Variants in MINDY3 observed in about 807,000 individuals in gnomAD.
MINDY3 encodes ubiquitin carboxyl-terminal hydrolase MINDY-3.
A neutral mutation model predicts 69.2 loss-of-function variants in MINDY3; 38 were observed. The ratio of observed to expected loss-of-function variants is 0.55; its 90% CI spans 0.42 to 0.72. MINDY3 has a LOEUF of 0.72. MINDY3 is among the 30% of genes least tolerant of loss of function. The probability of loss-of-function intolerance (pLI) is 0.00; values close to 1 mark genes in which losing one functional copy is unlikely to be tolerated. For missense variants in MINDY3, 522 were observed against 519.0 expected, an observed-to-expected ratio of 1.01 and a Z score of -0.06; for synonymous variants, 192 against 180.1, an observed-to-expected ratio of 1.07 and a Z score of -0.53.
In MINDY3 at chr10:15,779,093, TG is replaced by T; in HGVS notation, c.1236del (p.Met413CysfsTer32). On this transcript the variant is annotated frameshift_variant, in exon 15 of 15. Coordinates refer to ENST00000277632, the MANE Select transcript of MINDY3 (RefSeq NM_024948.4). LOFTEE classifies it high-confidence loss of function. ...GTAVVMGFED[P>X]MLQTDDTPIK... ...ATAGGAGTGTCATCTGTCTGTAGCA[TG>T]GGATCTTCAAAACCCATCACAACTG... The T allele has an allele frequency of 6.2e-7, 1 of 1,613,682 alleles. No individual in the cohort carries two copies. Among genetic ancestry groups the T allele is most frequent in the Non-Finnish European group, 8.5e-7 (1 of 1,179,778 alleles).
intron 10 of MINDY3, among the ~76,000 whole-genome samples, chr10:15,801,176 G>T (rs752033337): frequency 1.3e-5 from 2 of 152,090 alleles, no homozygotes; most frequent in African/African-American, 4.8e-5. Flanking sequence ...GTCCTATTCC[G>T]GCATGGGGGG....
chr10:15,788,786 A>G (rs1432757056), intron 12 of MINDY3: 1 of 153,256 alleles, frequency 6.5e-6, no homozygotes, highest in Non-Finnish European at 1.5e-5. Context: ...GCCATCCCTA[A>G]AAGTTTCAGG....
chr10:15,801,651 T>A (rs1838266491), intron 10 of MINDY3, among the ~76,000 whole-genome samples: 2 of 152,076 alleles, frequency 1.3e-5, no homozygotes, highest in Non-Finnish European at 2.9e-5. Context: ...GCAGAAAAGA[T>A]GATATGGTTA....
At chr10:15,802,145 T>G (rs1198441069) in intron 10 of MINDY3, among the ~76,000 whole-genome samples, 1 of 151,970 alleles carries the variant, frequency 6.6e-6, no homozygotes, top group African/African-American at 2.4e-5. Context: ...AGTAGTTAAA[T>G]TTTTGAGGGA....
chr10:15,802,390 A>G (rs1767516525), intron 10 of MINDY3, among the ~76,000 whole-genome samples: 2 of 152,142 alleles, frequency 1.3e-5, no homozygotes, highest in Non-Finnish European at 1.5e-5. Flanking sequence ...GCGAAGGAGA[A>G]GCAAGCACCT....
intron 10 of MINDY3, among the ~76,000 whole-genome samples, chr10:15,808,496 A>T (rs974256243): frequency 6.6e-6 from 1 of 152,150 alleles, no homozygotes; most frequent in Non-Finnish European, 1.5e-5. Flanking sequence ...CTAACAGTTC[A>T]CCGCAGTGTT....
Position 15,834,565 on chromosome 10 carries a change from C to A in MINDY3, c.628G>T (p.Asp210Tyr), listed in dbSNP as rs1266387340. ...TACCTGCCATGTCCATATACAGGAT[C>A]TATCAAGGGTTCACTTGCATCTTCA... ...EIEDASEPLIDPVYGHGSQSL... is the reference protein window; with the variant it reads ...EIEDASEPLIYPVYGHGSQSL... Residue 210 changes from aspartate (D) to tyrosine (Y), a missense_variant, in exon 7 of 15, where the codon GAT (aspartate) becomes TAT (tyrosine). Coordinates refer to ENST00000277632, the MANE Select transcript of MINDY3 (RefSeq NM_024948.4). 6.2e-7 allele frequency: 1 copy of A among 1,611,578 alleles called. No homozygotes were observed. The highest frequency in any genetic ancestry group is 8.5e-7 in the Non-Finnish European group (1 of 1,178,428).
At chr10:15,781,904 G>A (rs1160460014) in intron 14 of MINDY3, among the ~76,000 whole-genome samples, 1 of 152,168 alleles carries the variant, frequency 6.6e-6, no homozygotes, top group East Asian at 1.9e-4. Context: ...ACTGCCAAGG[G>A]TAACGATCTG....
At chr10:15,814,969 T>C (rs887529115) in intron 10 of MINDY3, among the ~76,000 whole-genome samples, 14 of 152,196 alleles carry the variant, frequency 9.2e-5, no homozygotes, top group Middle Eastern at 3.2e-3. Flanking sequence ...AACAAAATCA[T>C]TTCTTAAACA....
intron 2 of MINDY3, among the ~76,000 whole-genome samples, chr10:15,846,176 T>C (rs1588643812): frequency 6.6e-6 from 1 of 152,150 alleles, no homozygotes; most frequent in African/African-American, 2.4e-5. Context: ...AGGTTCAGGA[T>C]TTTGAATATA....
intron 9 of MINDY3, among the ~76,000 whole-genome samples, chr10:15,819,827 T>G (rs150252297): frequency 1.3e-5 from 2 of 152,214 alleles, no homozygotes; most frequent in Admixed American, 6.5e-5. Context: ...TACAGCAATA[T>G]GTAAACAGAA....
chr10:15,784,162 A>G (rs1016181857), intron 13 of MINDY3, among the ~76,000 whole-genome samples: 3 of 152,180 alleles, frequency 2.0e-5, no homozygotes, highest in African/African-American at 7.2e-5. Flanking sequence ...CTCATTGTCA[A>G]AATGGGGAAG....
At chr10:15,857,931 T>C (rs1588669825) in intron 1 of MINDY3, 28 of 976,028 alleles carry the variant, frequency 2.9e-5, no homozygotes, top group Non-Finnish European at 3.4e-5. Flanking sequence ...AGAAAACTAA[T>C]GAGACTGCAG....
intron 8 of MINDY3, among the ~76,000 whole-genome samples, chr10:15,830,210 T>C (rs1840361654): frequency 6.6e-6 from 1 of 152,204 alleles, no homozygotes; most frequent in South Asian, 2.1e-4. Context: ...GATTTTAAAT[T>C]TCTCCCAGTT....
Position 15,798,781 on chromosome 10 carries a change from A to AAAACAAAC in MINDY3, c.883-2617_883-2610dup, listed in dbSNP as rs147975316. Among the ~76,000 whole-genome samples, 872 of 151,126 alleles carry AAAACAAAC rather than the reference A, an allele frequency of 5.8e-3. 10 individuals are homozygous for AAAACAAAC. The highest frequency in any genetic ancestry group is 0.02 in the African/African-American group (813 of 40,816). Reference sequence around the variant, plus strand: ...GGCAACAGGGCAAGACTCTGTCTCAAAAACAAACAAACAAACAAAAAACCA... The same window carrying AAAACAAAC: ...GGCAACAGGGCAAGACTCTGTCTCAAAAACAAACAAACAAACAAACAAACAAAAAACCA... On this transcript the variant is annotated intron_variant, in intron 10 of 14. Transcript: ENST00000277632.
At chr10:15,841,981 A>AT (rs903585267) in intron 3 of MINDY3, among the ~76,000 whole-genome samples, 1 of 151,372 alleles carries the variant, frequency 6.6e-6, no homozygotes, top group African/African-American at 2.4e-5. Flanking sequence ...TGAAACCTCT[A>AT]TTTTTTTTCC....
At chr10:15,793,716 CA>C (rs1396048694) in intron 11 of MINDY3, among the ~76,000 whole-genome samples, 1 of 152,042 alleles carries the variant, frequency 6.6e-6, no homozygotes, top group East Asian at 1.9e-4. Flanking sequence ...CTCAAACCAT[CA>C]AAAGGTTGTT....
chr10:15,785,709 TTTC>T (rs1281014057), intron 13 of MINDY3, among the ~76,000 whole-genome samples: 5 of 151,776 alleles, frequency 3.3e-5, no homozygotes, highest in African/African-American at 1.2e-4. Flanking sequence ...ATCTTACCTC[TTTC>T]TTAACAATTT....
At chr10:15,815,009 TGTC>T (rs1839259016) in intron 10 of MINDY3, among the ~76,000 whole-genome samples, 1 of 152,216 alleles carries the variant, frequency 6.6e-6, no homozygotes, top group Non-Finnish European at 1.5e-5. Flanking sequence ...TTTAAAATAT[TGTC>T]ATCTTTTATA....
Sources: gnomAD v4.1 joint callset for allele counts (sites outside exome capture counted in the v4.1 genomes callset) on GRCh38, gnomAD v4.1.1 for gene constraint, MANE v1.5 for transcripts, NCBI Gene and HGNC (gene_info 2026-07-23, HGNC 2026-07-21) for gene names.